Variants in CHN2 observed in about 807,000 individuals in gnomAD.
CHN2 encodes the protein chimerin 2.
In CHN2, 35 loss-of-function variants were observed where a neutral mutation model predicts 56.3. The observed-to-expected ratio is 0.62, with a 90% CI of 0.47 to 0.82. The LOEUF is 0.82. Ranked by LOEUF, CHN2 falls within the 40% of genes least tolerant of loss-of-function variation. CHN2 has a pLI of 0.00. For missense variants in CHN2, 491 were observed against 580.5 expected (o/e 0.85, Z 1.58); for synonymous variants, 210 against 212.8 (o/e 0.99, Z 0.12).
At chr7:29,221,919 C>T (rs1785836091) in intron 1 of CHN2, among the ~76,000 whole-genome samples, 1 of 152,150 alleles carries the variant, frequency 6.6e-6, no homozygotes, top group African/African-American at 2.4e-5. Flanking sequence ...CTGCAGTGAA[C>T]ATACGCATGC....
chr7:29,405,527 C>T (rs557562561), intron 6 of CHN2, among the ~76,000 whole-genome samples: 60 of 152,256 alleles, frequency 3.9e-4, no homozygotes, highest in African/African-American at 1.4e-3. Flanking sequence ...CATTAACCAC[C>T]CCACCATCAC....
In CHN2 at chr7:29,211,975, C is replaced by T. The variant is rs114961873; in HGVS notation, c.49+16985C>T. Among the ~76,000 whole-genome samples the T allele has an allele frequency of 3.6e-3, 551 of 152,232 alleles. 3 individuals carry two copies. Among genetic ancestry groups the T allele is most frequent in the African/African-American group, 0.013 (535 of 41,542 alleles). On this transcript the variant is annotated intron_variant, in intron 1 of 12. Coordinates refer to ENST00000222792, the MANE Select transcript of CHN2 (RefSeq NM_004067.4). ...CTTACCATCCAACTTCAACAATGAT[C>T]GCATCATAGCCTGGTTTCACTTCCA...
chr7:29,374,154 C>T (rs960592819), intron 3 of CHN2, among the ~76,000 whole-genome samples: 4 of 151,752 alleles, frequency 2.6e-5, no homozygotes, highest in Non-Finnish European at 5.9e-5. Context: ...TCTTTTTTTC[C>T]CCCTTAATGC....
At chr7:29,467,388 A>G (rs1785630225) in intron 6 of CHN2, among the ~76,000 whole-genome samples, 1 of 152,090 alleles carries the variant, frequency 6.6e-6, no homozygotes, top group Non-Finnish European at 1.5e-5. Context: ...TAACTTGTGC[A>G]ATGTGGGAGA....
intron 2 of CHN2, among the ~76,000 whole-genome samples, chr7:29,362,037 T>C (rs969906773): frequency 1.1e-4 from 17 of 152,150 alleles, no homozygotes; most frequent in African/African-American, 4.1e-4. Flanking sequence ...ATGAGTCTCT[T>C]GAAGAGCTTT....
At position 29,499,940 on chromosome 7, in the gene CHN2, C is replaced by T. The variant is rs367649624; in HGVS notation, c.813C>T (p.Ile271=). The T allele has an allele frequency of 1.1e-4, 185 of 1,612,880 alleles. No individual in the cohort carries two copies. The highest frequency in any genetic ancestry group is 1.5e-4 in the Non-Finnish European group (180 of 1,179,674). ...ACTGCCAACCTGATCTCAAGAGGATCAAGAAAGTGTACTGTTGTGACCTCA... is the reference window on the plus strand; with the variant it reads ...ACTGCCAACCTGATCTCAAGAGGATTAAGAAAGTGTACTGTTGTGACCTCA... ...PNDCQPDLKR[I]KKVYCCDLTT... Residue 271 remains isoleucine, a synonymous_variant, in exon 9 of 13, where the codon ATC becomes ATT. Transcript: ENST00000222792.
At chr7:29,496,384 TA>T (rs1789287938) in intron 8 of CHN2, among the ~76,000 whole-genome samples, 1 of 152,058 alleles carries the variant, frequency 6.6e-6, no homozygotes, top group Admixed American at 6.5e-5. Flanking sequence ...CCCATCTTGC[TA>T]CAAAAGGTAA....
At chr7:29,360,468 C>T (rs1355472405) in intron 2 of CHN2, among the ~76,000 whole-genome samples, 2 of 152,102 alleles carry the variant, frequency 1.3e-5, no homozygotes, top group South Asian at 2.1e-4. Flanking sequence ...TGTGGTTAGC[C>T]GAGATCATGC....
intron 1 of CHN2, among the ~76,000 whole-genome samples, chr7:29,209,165 G>T (rs1414907665): frequency 1.3e-5 from 2 of 151,978 alleles, no homozygotes; most frequent in African/African-American, 2.4e-5. Context: ...GAGTGCAGAT[G>T]GTCCAGCCTC....
chr7:29,180,543 CAA>C (rs10713261), intron 2 of CHN2, among the ~76,000 whole-genome samples: 3 of 134,972 alleles, frequency 2.2e-5, no homozygotes, highest in East Asian at 2.1e-4. Context: ...GACTCCATCT[CAA>C]AAAAAAAAAA....
At position 29,331,966 on chromosome 7, in the gene CHN2, T is replaced by G. The variant is rs191113568; in HGVS notation, c.50-22659T>G. ...GGTGGAGATTGCAGTGAGCCAAGATTGCGCCACGGCACTCCAGCCTGGGCA... is the reference window on the plus strand; with the variant it reads ...GGTGGAGATTGCAGTGAGCCAAGATGGCGCCACGGCACTCCAGCCTGGGCA... On this transcript the variant is annotated intron_variant, in intron 1 of 12. Transcript: ENST00000222792. Among the ~76,000 whole-genome samples, 1,217 of 147,110 alleles carry G rather than the reference T, an allele frequency of 8.3e-3. 12 individuals are homozygous for G. Among genetic ancestry groups the G allele is most frequent in the African/African-American group, 0.029 (1,156 of 39,474 alleles).
At chr7:29,273,992 C>T (rs1790972576) in intron 1 of CHN2, among the ~76,000 whole-genome samples, 2 of 152,224 alleles carry the variant, frequency 1.3e-5, no homozygotes, top group South Asian at 2.1e-4. Context: ...TCCCTAGGTG[C>T]ACACTCCCCA....
intron 6 of CHN2, among the ~76,000 whole-genome samples, chr7:29,465,105 G>A (rs771356855): frequency 2.4e-4 from 37 of 152,252 alleles, no homozygotes; most frequent in Non-Finnish European, 4.9e-4. Context: ...GACACAGCCT[G>A]CATTTACACA....
chr7:29,411,165 G>A (rs1803172922), intron 6 of CHN2, among the ~76,000 whole-genome samples: 1 of 152,124 alleles, frequency 6.6e-6, no homozygotes, highest in Non-Finnish European at 1.5e-5. Flanking sequence ...AAACAGTTCT[G>A]CAGGTGCAAT....
intron 1 of CHN2, among the ~76,000 whole-genome samples, chr7:29,294,571 G>T (rs1792969536): frequency 6.6e-6 from 1 of 152,190 alleles, no homozygotes; most frequent in Non-Finnish European, 1.5e-5. Flanking sequence ...GACAGAAACA[G>T]AGAGAAGCAG....
chr7:29,243,865 AT>A, intron 1 of CHN2, among the ~76,000 whole-genome samples: 1 of 152,202 alleles, frequency 6.6e-6, no homozygotes, highest in South Asian at 2.1e-4. Flanking sequence ...TCACAACTCT[AT>A]TTTTAGATGT....
intron 1 of CHN2, among the ~76,000 whole-genome samples, chr7:29,277,581 C>G (rs527307936): frequency 1.1e-4 from 17 of 152,308 alleles, no homozygotes; most frequent in African/African-American, 4.1e-4. Flanking sequence ...AACAGGGAAC[C>G]CTTTCAAGCA....
At chr7:29,422,304 G>A (rs185211837) in intron 6 of CHN2, among the ~76,000 whole-genome samples, 1 of 152,310 alleles carries the variant, frequency 6.6e-6, no homozygotes, top group East Asian at 1.9e-4. Flanking sequence ...CCTGATGGAT[G>A]TCAAATACAC....
chr7:29,211,128 T>TGGC (rs970166508), intron 1 of CHN2, among the ~76,000 whole-genome samples: 4 of 151,798 alleles, frequency 2.6e-5, no homozygotes, highest in African/African-American at 9.7e-5. Flanking sequence ...TGGAGTGCAG[T>TGGC]GGCGCGATCT....
Sources: gnomAD v4.1 joint callset for allele counts (sites outside exome capture counted in the v4.1 genomes callset) on GRCh38, gnomAD v4.1.1 for gene constraint, MANE v1.5 for transcripts, NCBI Gene and HGNC (gene_info 2026-07-23, HGNC 2026-07-21) for gene names.